The following USP20 variants were observed in gnomAD, a reference collection of about 807,000 sequenced individuals.
The protein encoded by USP20 is ubiquitin carboxyl-terminal hydrolase 20.
USP20 carries 80 observed loss-of-function variants against 124.2 expected under a neutral mutation model. The observed-to-expected ratio is 0.64, with a 90% CI of 0.54 to 0.78. The LOEUF (loss-of-function observed/expected upper bound fraction) is 0.78. USP20 is among the 30% of genes least tolerant of loss of function. The probability of loss-of-function intolerance (pLI) is 0.00; values close to 1 mark genes in which losing one functional copy is unlikely to be tolerated. For missense variants in USP20, 1,043 were observed against 1,244.4 expected, an observed-to-expected ratio of 0.84 and a Z score of 2.44; for synonymous variants, 481 against 512.3, an observed-to-expected ratio of 0.94 and a Z score of 0.83.
rs11790814 is a variant in USP20 at position 129,839,624 on chromosome 9, G to A, written c.-129+4125G>A. Among the ~76,000 whole-genome samples, 28,506 of 151,920 alleles carry A rather than the reference G, an allele frequency of 0.19. 3,208 individuals are homozygous for A. The highest frequency in any genetic ancestry group is 0.26 in the South Asian group (1,265 of 4,808). ...GAGGGGGTGGGCACACACCCTGTGCGGGGCTGGGGGTGTGAGATGGCTAAT... is the reference window on the plus strand; with the variant it reads ...GAGGGGGTGGGCACACACCCTGTGCAGGGCTGGGGGTGTGAGATGGCTAAT... On this transcript the variant is annotated intron_variant, in intron 1 of 25. Coordinates refer to ENST00000372429, the MANE Select transcript of USP20 (RefSeq NM_001110303.4). This position sits in a 1 kb window ranked among gnomAD's most constrained non-coding sequence, Gnocchi z 4.5.
intron 23 of USP20, 98 bp downstream of exon 23, chr9:129,878,538 C>T: frequency 1.8e-6 from 2 of 1,115,708 alleles, no homozygotes; most frequent in South Asian, 3.2e-5. Flanking sequence ...CTCCTGCAGG[C>T]CCCATGCCTG....
chr9:129,848,681 A>T (rs2032729328), intron 1 of USP20, among the ~76,000 whole-genome samples: 1 of 151,774 alleles, frequency 6.6e-6, no homozygotes, highest in Non-Finnish European at 1.5e-5. Context: ...GCCAAGTTAT[A>T]ACCTGCCCAC....
At chr9:129,858,620 G>A (rs77339429) in intron 6 of USP20, 22 bp downstream of exon 6, 4 of 1,610,108 alleles carry the variant, frequency 2.5e-6, no homozygotes, top group Admixed American at 3.4e-5. Flanking sequence ...GGTGGGCTCT[G>A]TTTGGTTGTT....
intron 3 of USP20, among the ~76,000 whole-genome samples, chr9:129,853,802 T>C (rs1438336076): frequency 6.6e-6 from 1 of 152,150 alleles, no homozygotes; most frequent in South Asian, 2.1e-4. Context: ...ATGAAGCAGG[T>C]GGCAGAAGAG....
chr9:129,854,569 T>C (rs975395914), intron 3 of USP20, among the ~76,000 whole-genome samples: 1 of 152,202 alleles, frequency 6.6e-6, no homozygotes, highest in Non-Finnish European at 1.5e-5. Context: ...ATATTTCATA[T>C]CATACACAGC....
At chr9:129,844,612 C>T (rs190982608) in intron 1 of USP20, among the ~76,000 whole-genome samples, 1,966 of 126,534 alleles carry the variant, frequency 0.016, 38 homozygotes, top group Middle Eastern at 0.072. Flanking sequence ...TGACAGAGCG[C>T]GACTCTGTCT....
chr9:129,843,691 C>T (rs970781764), intron 1 of USP20, among the ~76,000 whole-genome samples: 6 of 151,696 alleles, frequency 4.0e-5, no homozygotes, highest in African/African-American at 1.5e-4. Context: ...GAGCCGAGAT[C>T]ACACCACTGC....
At chr9:129,860,450 AT>A (rs33987015) in intron 6 of USP20, among the ~76,000 whole-genome samples, 133,238 of 151,958 alleles carry the variant, frequency 0.88, 58,801 homozygotes, top group East Asian at 1. Flanking sequence ...TAAATAAAAT[AT>A]TTTTTTTATT....
intron 6 of USP20, among the ~76,000 whole-genome samples, chr9:129,859,989 G>A (rs2033450525): frequency 6.6e-6 from 1 of 152,108 alleles, no homozygotes; most frequent in Non-Finnish European, 1.5e-5. Flanking sequence ...CTATAGTTGT[G>A]CTACTGCACT....
In USP20 at chr9:129,861,038, T is replaced by C; in HGVS notation, c.427+5T>C. ...ACGATGACCTGAAACCTCGAGGTAA[T>C]GGCCCCCACAGCAGGGGAAGCTGAT... is the stretch of plus-strand genomic sequence containing the variant. On this transcript the variant is annotated splice_donor_5th_base_variant and intron_variant, in intron 7 of 25. Coordinates refer to ENST00000372429, the MANE Select transcript of USP20 (RefSeq NM_001110303.4). 1 of 1,595,726 alleles carries C rather than the reference T, an allele frequency of 6.3e-7. No homozygotes were observed. The highest frequency in any genetic ancestry group is 8.6e-7 in the Non-Finnish European group (1 of 1,168,642).
intron 3 of USP20, among the ~76,000 whole-genome samples, chr9:129,853,982 G>A (rs956310755): frequency 3.6e-4 from 44 of 121,316 alleles, no homozygotes; most frequent in African/African-American, 9.8e-4. Flanking sequence ...AACCAACACC[G>A]TTCTAAAATA....
intron 1 of USP20, among the ~76,000 whole-genome samples, chr9:129,842,811 T>A (rs1024129947): frequency 1.3e-5 from 2 of 152,022 alleles, no homozygotes; most frequent in Admixed American, 1.3e-4. Context: ...GTCAGGCTGG[T>A]TTCGAACTCC....
chr9:129,869,904 C>A, intron 14 of USP20, 60 bp downstream of exon 14: 1 of 1,584,408 alleles, frequency 6.3e-7, no homozygotes, highest in Admixed American at 1.7e-5. Context: ...TTTTCCTGGG[C>A]GGGAGACAGT....
intron 10 of USP20, among the ~76,000 whole-genome samples, chr9:129,866,948 C>G (rs769302345): frequency 3.3e-5 from 5 of 152,152 alleles, no homozygotes; most frequent in African/African-American, 4.8e-5. Flanking sequence ...GAGCCTGACA[C>G]TTTGCCTTGG....
chr9:129,846,919 A>G (rs1468588934), intron 1 of USP20, among the ~76,000 whole-genome samples: 1 of 151,966 alleles, frequency 6.6e-6, no homozygotes, highest in Non-Finnish European at 1.5e-5. Context: ...GAACCACCAT[A>G]CCCAGCCTGA....
rs939539873 is a variant in USP20, at chr9:129,879,940, C to A, written c.2585-173C>A. Among the ~76,000 whole-genome samples, 1 of 152,120 alleles carries A rather than the reference C, an allele frequency of 6.6e-6. No homozygotes were observed. The highest frequency in any genetic ancestry group is 6.5e-5 in the Admixed American group (1 of 15,290). ...GAGATGTGTTATCCGGGGCCCTTAG[C>A]GGGATGGACATTCCTCTGGGAAATC... On this transcript the variant is annotated intron_variant, in intron 24 of 25. Transcript: ENST00000372429. This position sits in a 1 kb window ranked among gnomAD's most constrained non-coding sequence, Gnocchi z 4.2.
At position 129,874,285 on chromosome 9, in the gene USP20, T is replaced by C. The variant is rs548093103; in HGVS notation, c.1741-291T>C. 2.3e-3 allele frequency among the ~76,000 whole-genome samples: 350 copies of C among 152,218 alleles called. 1 individual carries two copies. Among genetic ancestry groups the C allele is most frequent in the Non-Finnish European group, 3.9e-3 (267 of 67,990 alleles). The stretch of plus-strand genomic sequence containing the variant: ...AGGGCCCTGGCAGAGGGGGCCCAGG[T>C]TGGGGCTGTGGTGGCTCGGGGAGGC... On this transcript the variant is annotated intron_variant, in intron 17 of 25. Transcript: ENST00000372429.
chr9:129,875,838 A>G (rs2034370137), intron 21 of USP20, among the ~76,000 whole-genome samples, 197 bp downstream of exon 21: 1 of 16,432 alleles, frequency 6.1e-5, no homozygotes, highest in Non-Finnish European at 1.7e-4. Context: ...GGATCCTTCC[A>G]GCGGCAAGGG....
intron 8 of USP20, among the ~76,000 whole-genome samples, chr9:129,862,414 G>A (rs187607853): frequency 6.6e-6 from 1 of 152,100 alleles, no homozygotes; most frequent in Non-Finnish European, 1.5e-5. Context: ...CTAGCTGGAC[G>A]TGGTGGCACG....
Sources: allele counts gnomAD v4.1 joint callset (sites outside exome capture counted in the v4.1 genomes callset), GRCh38; gene constraint gnomAD v4.1.1; non-coding constraint Gnocchi (gnomAD v3.1); transcripts MANE v1.5; gene names NCBI Gene and HGNC (gene_info 2026-07-23, HGNC 2026-07-21).